The following CNTNAP2 variants were observed in gnomAD, a reference collection of about 807,000 sequenced individuals.
The protein encoded by CNTNAP2 is contactin associated protein 2, also known as contactin-associated protein-like 2.
A neutral mutation model predicts 155.2 loss-of-function variants in CNTNAP2; 98 were observed. The ratio of observed to expected loss-of-function variants is 0.63; its 90% confidence interval spans 0.54 to 0.75. The LOEUF (loss-of-function observed/expected upper bound fraction) is 0.75. Ranked by LOEUF, CNTNAP2 falls within the 30% of genes least tolerant of loss-of-function variation. CNTNAP2 has a pLI of 0.00. For missense variants in CNTNAP2, 1,727 were observed against 1,688.1 expected (o/e 1.02, Z -0.40); for synonymous variants, 651 against 631.2 (o/e 1.03, Z -0.47).
chr7:146,410,557 C>G lies in CNTNAP2; in HGVS notation c.97+293584C>G, dbSNP rs1352533824. On this transcript the variant is annotated intron_variant, in intron 1 of 23. Coordinates refer to ENST00000361727, the MANE Select transcript of CNTNAP2 (RefSeq NM_014141.6). ...CGTGCAGGCTTGTTATATAGGTAAA[C>G]TTGTGTCATGGGAGTTTGTTGTACA... is the stretch of plus-strand genomic sequence containing the variant. 3.3e-5 allele frequency among the ~76,000 whole-genome samples: 5 copies of G among 152,092 alleles called. No individual in the cohort carries two copies. In the South Asian group the frequency reaches 1.0e-3, roughly 32 times the overall value.
Position 148,167,444 on chromosome 7 carries a change from A to G in CNTNAP2, c.2774-4798A>G, listed in dbSNP as rs1193626826. On this transcript the variant is annotated intron_variant, in intron 17 of 23. Coordinates refer to ENST00000361727, the MANE Select transcript of CNTNAP2 (RefSeq NM_014141.6). ...GTGAGCAAAACTTTACTTAATGAAC[A>G]CAACAAATACAAACTAGACTACAGT... Among the ~76,000 whole-genome samples the G allele has an allele frequency of 2.0e-5, 3 of 152,262 alleles. No individual in the cohort carries two copies. The East Asian group carries it at 5.8e-4, about 29-fold the overall frequency.
chr7:146,280,211 A>C (rs184332043), intron 1 of CNTNAP2, among the ~76,000 whole-genome samples: 1 of 152,336 alleles, frequency 6.6e-6, no homozygotes, highest in Non-Finnish European at 1.5e-5. Context: ...CAGCTAAAAT[A>C]TGACATATGC....
intron 13 of CNTNAP2, among the ~76,000 whole-genome samples, chr7:147,815,304 C>T (rs551813793): frequency 6.3e-4 from 96 of 152,078 alleles, no homozygotes; most frequent in African/African-American, 2.1e-3. Flanking sequence ...AAGATGATGT[C>T]AAGATGATTA....
intron 3 of CNTNAP2, 98 bp from the exon 4 acceptor site, chr7:147,043,809 T>C: frequency 7.1e-7 from 1 of 1,404,102 alleles, no homozygotes; most frequent in Non-Finnish European, 1.0e-6. Context: ...TCACAAGCCC[T>C]ACCATTGGAT....
intron 8 of CNTNAP2, among the ~76,000 whole-genome samples, chr7:147,177,472 C>T (rs1802373488): frequency 6.6e-6 from 1 of 152,274 alleles, no homozygotes; most frequent in East Asian, 1.9e-4. Flanking sequence ...CCATGCAGAA[C>T]TGTGAGTCCA....
intron 13 of CNTNAP2, among the ~76,000 whole-genome samples, chr7:147,899,858 A>G (rs1585017721): frequency 6.6e-6 from 1 of 151,130 alleles, no homozygotes; most frequent in South Asian, 2.1e-4. Flanking sequence ...GCACTACTGC[A>G]CTCCAGCCTG....
intron 11 of CNTNAP2, among the ~76,000 whole-genome samples, chr7:147,534,462 G>C (rs1237330300): frequency 2.0e-5 from 3 of 152,176 alleles, no homozygotes; most frequent in Non-Finnish European, 4.4e-5. Flanking sequence ...GAATAAGCCA[G>C]TAGTACCCTT....
At chr7:146,243,438 T>A (rs1799595157) in intron 1 of CNTNAP2, among the ~76,000 whole-genome samples, 1 of 152,182 alleles carries the variant, frequency 6.6e-6, no homozygotes, top group Non-Finnish European at 1.5e-5. Flanking sequence ...ATCTTCTCTT[T>A]TGGGCAATAC....
At position 148,369,164 on chromosome 7, in the gene CNTNAP2, T is replaced by A. The variant is rs551842930; in HGVS notation, c.3476-14485T>A. ...TACCATTATATTTTTATATTTTTTT[T>A]AATTAAAATTGAATCCCTTTTTTTT... On this transcript the variant is annotated intron_variant, in intron 21 of 23. Transcript: ENST00000361727. 1.9e-3 allele frequency among the ~76,000 whole-genome samples: 283 copies of A among 148,682 alleles called. 3 individuals are homozygous for A. The highest frequency in any genetic ancestry group is 2.9e-3 in the Non-Finnish European group (191 of 66,970).
Position 146,657,206 on chromosome 7 carries a change from C to T in CNTNAP2, c.98-117065C>T, listed in dbSNP as rs77892330. Among the ~76,000 whole-genome samples the T allele has an allele frequency of 4.6e-4, 70 of 152,226 alleles. No individual in the cohort carries two copies. The East Asian group carries it at 0.012, about 26-fold the overall frequency. On this transcript the variant is annotated intron_variant, in intron 1 of 23. Coordinates refer to ENST00000361727, the MANE Select transcript of CNTNAP2 (RefSeq NM_014141.6). ...AACAAAAACTGTTCCTTAACTAATC[C>T]ACCAATAGATGGCATATTCTTCTCC...
At chr7:148,111,996 G>A (rs1384407842) in intron 15 of CNTNAP2, among the ~76,000 whole-genome samples, 1 of 152,174 alleles carries the variant, frequency 6.6e-6, no homozygotes, top group Non-Finnish European at 1.5e-5. Flanking sequence ...TGCACTAATG[G>A]CAGAGGGAGG....
chr7:147,925,292 G>GCGCACA (rs1345390357), intron 14 of CNTNAP2, among the ~76,000 whole-genome samples: 2 of 143,116 alleles, frequency 1.4e-5, no homozygotes, highest in South Asian at 2.3e-4. Flanking sequence ...AAGCGCGCGC[G>GCGCACA]CACACACACA....
chr7:148,216,081 G>A (rs923031431), intron 18 of CNTNAP2, among the ~76,000 whole-genome samples: 20 of 152,188 alleles, frequency 1.3e-4, no homozygotes, highest in African/African-American at 1.9e-4. Flanking sequence ...AACAGAAACC[G>A]TGAAGACCAC....
chr7:146,699,459 C>T (rs146357693), intron 1 of CNTNAP2, among the ~76,000 whole-genome samples: 9 of 152,204 alleles, frequency 5.9e-5, no homozygotes, highest in African/African-American at 9.6e-5. Context: ...TCTACAGTCT[C>T]ATAATTAGGT....
chr7:147,105,934 G>GA (rs939519430), intron 4 of CNTNAP2, among the ~76,000 whole-genome samples: 3 of 151,776 alleles, frequency 2.0e-5, no homozygotes, highest in Non-Finnish European at 2.9e-5. Flanking sequence ...AGGATTGTCT[G>GA]AAAAAAATAA....
chr7:148,115,031 G>A (rs1804436470), intron 15 of CNTNAP2, among the ~76,000 whole-genome samples: 1 of 152,134 alleles, frequency 6.6e-6, no homozygotes, highest in African/African-American at 2.4e-5. Context: ...AACTCCAAGG[G>A]CATCATGTGA....
intron 13 of CNTNAP2, among the ~76,000 whole-genome samples, chr7:147,721,639 T>A (rs1297337824): frequency 6.6e-6 from 1 of 152,112 alleles, no homozygotes; most frequent in Non-Finnish European, 1.5e-5. Context: ...TTTACATATT[T>A]CTGTCATCTA....
chr7:148,061,616 A>G (rs1803131795), intron 15 of CNTNAP2, among the ~76,000 whole-genome samples: 1 of 151,922 alleles, frequency 6.6e-6, no homozygotes, highest in Admixed American at 6.6e-5. Flanking sequence ...CGCCCTCCCA[A>G]AATACTGTGA....
intron 12 of CNTNAP2, among the ~76,000 whole-genome samples, chr7:147,603,321 G>T (rs1208132038): frequency 6.6e-5 from 10 of 152,046 alleles, no homozygotes; most frequent in African/African-American, 9.7e-5. Context: ...TTGCCCACTT[G>T]TTGATGGGGT....
Sources: allele counts gnomAD v4.1 joint callset (sites outside exome capture counted in the v4.1 genomes callset), GRCh38; gene constraint gnomAD v4.1.1; transcripts MANE v1.5; gene names NCBI Gene and HGNC (gene_info 2026-07-23, HGNC 2026-07-21).